Variants in NUDCD3 observed in about 807,000 individuals in gnomAD.
The protein encoded by NUDCD3 is NudC domain containing 3, also known as nudC domain-containing protein 3.
In NUDCD3, 13 loss-of-function variants were observed where a neutral mutation model predicts 39.7. The ratio of observed to expected loss-of-function variants is 0.33; its 90% CI spans 0.21 to 0.52. The LOEUF (loss-of-function observed/expected upper bound fraction) is 0.52. Among genes scored for constraint, NUDCD3 ranks in the 20% least tolerant of loss-of-function variants. The pLI is 0.96. For synonymous variants in NUDCD3, 175 were observed against 172.4 expected (o/e 1.02, Z -0.12); for missense variants, 453 against 458.1 (o/e 0.99, Z 0.10).
chr7:44,454,063 G>C lies in NUDCD3; in HGVS notation c.510-26360C>G, dbSNP rs1392149147. ...GTTTCAAAAAAAATAATAAAGGCCG[G>C]GCATGGTGGCTCACGCCTGTAATCC... On this transcript the variant is annotated intron_variant, in intron 2 of 5. Coordinates refer to ENST00000355451, the MANE Select transcript of NUDCD3 (RefSeq NM_015332.4). 2.0e-5 allele frequency among the ~76,000 whole-genome samples: 3 copies of C among 152,316 alleles called. No individual in the cohort carries two copies. The East Asian group carries it at 5.8e-4, about 29-fold the overall frequency.
In NUDCD3 at chr7:44,427,679, A is replaced by G. The variant is rs1799264512; in HGVS notation, c.534T>C (p.Asn178=). The G allele has an allele frequency of 1.9e-6, 3 of 1,613,876 alleles. No homozygotes were observed. Among genetic ancestry groups the G allele is most frequent in the African/African-American group, 1.3e-5 (1 of 74,980 alleles). The part of the protein sequence containing the change: ...LPRIQEQFQK[N]PDSYNGAVRE... Reference sequence around the variant, plus strand: ...GGACAGCACCATTGTAACTGTCGGGATTTTTCTGGAACTGCTCCTGAATCC... The same window carrying G: ...GGACAGCACCATTGTAACTGTCGGGGTTTTTCTGGAACTGCTCCTGAATCC... Residue 178 remains asparagine, a synonymous_variant, in exon 3 of 6, where the codon AAT becomes AAC. Coordinates refer to ENST00000355451, the MANE Select transcript of NUDCD3 (RefSeq NM_015332.4).
intron 2 of NUDCD3, among the ~76,000 whole-genome samples, chr7:44,459,165 T>G (rs1403110595): frequency 6.6e-6 from 1 of 152,056 alleles, no homozygotes; most frequent in African/African-American, 2.4e-5. Context: ...TATTTTTTTA[T>G]ATATATTCTA....
intron 3 of NUDCD3, among the ~76,000 whole-genome samples, chr7:44,424,764 T>C (rs1167193868): frequency 6.6e-6 from 1 of 152,134 alleles, no homozygotes; most frequent in Non-Finnish European, 1.5e-5. Context: ...GAAATACCAT[T>C]TGACCCAACA....
Position 44,380,290 on chromosome 7 carries a change from GGT to G in NUDCD3, c.*5719_*5720del, listed in dbSNP as rs1327035454. 1 of 152,502 alleles carries G rather than the reference GGT, an allele frequency of 6.6e-6. No homozygotes were observed. Among genetic ancestry groups the G allele is most frequent in the African/African-American group, 2.4e-5 (1 of 41,434 alleles). The allele number at this position is 152,502 out of a possible 1,614,324, so 9.4% of individuals were successfully genotyped here. On this transcript the variant is annotated 3_prime_UTR_variant, in exon 6 of 6. Coordinates refer to ENST00000355451, the MANE Select transcript of NUDCD3 (RefSeq NM_015332.4). ...TCCTCTCTAGACCCTCTGCCTGCCA[GGT>G]GTGTAAGCCTTTCTGCCTGGACAGC...
chr7:44,478,548 C>T (rs180882313), intron 2 of NUDCD3, among the ~76,000 whole-genome samples: 5 of 152,184 alleles, frequency 3.3e-5, no homozygotes, highest in South Asian at 4.2e-4. Flanking sequence ...AGCAAAACTC[C>T]GTCTAAAAAA....
In NUDCD3 at chr7:44,411,822, T is replaced by G. The variant is rs372351590; in HGVS notation, c.643-7239A>C. Among the ~76,000 whole-genome samples the G allele has an allele frequency of 4.6e-4, 70 of 152,290 alleles. 1 individual carries two copies. The South Asian group carries it at 0.014, about 30-fold the overall frequency. On this transcript the variant is annotated intron_variant, in intron 3 of 5. Transcript: ENST00000355451. ...ACCCTAGTGGTGAAGACAGAAAACA[T>G]ATGTCCAGAGAACTGGAAGCATATG...
chr7:44,453,723 G>A (rs1219568656), intron 2 of NUDCD3, among the ~76,000 whole-genome samples: 1 of 152,136 alleles, frequency 6.6e-6, no homozygotes. Flanking sequence ...CAAAATGCTG[G>A]GATTTTAAAA....
chr7:44,488,640 C>CTGAA (rs1800667940), intron 1 of NUDCD3, among the ~76,000 whole-genome samples: 2 of 152,356 alleles, frequency 1.3e-5, no homozygotes, highest in South Asian at 4.1e-4. Context: ...CTGTCTAAAA[C>CTGAA]TGAACTTTTT....
At chr7:44,475,381 C>T (rs1013257267) in intron 2 of NUDCD3, among the ~76,000 whole-genome samples, 1 of 152,060 alleles carries the variant, frequency 6.6e-6, no homozygotes, top group South Asian at 2.1e-4. Flanking sequence ...GCTAAGGATA[C>T]TCTGTTCAGC....
intron 2 of NUDCD3, among the ~76,000 whole-genome samples, chr7:44,446,124 A>G (rs572158644): frequency 6.6e-6 from 1 of 152,322 alleles, no homozygotes; most frequent in Admixed American, 6.5e-5. Context: ...TGGACTATTC[A>G]AGTCCTATAG....
At chr7:44,415,122 C>G (rs74902275) in intron 3 of NUDCD3, among the ~76,000 whole-genome samples, 223 of 152,300 alleles carry the variant, frequency 1.5e-3, no homozygotes, top group Non-Finnish European at 2.7e-3. Context: ...TGGTTCTGGT[C>G]TATGATCTAC....
Position 44,440,496 on chromosome 7 carries a change from G to GAAAAAAAAAA in NUDCD3, c.510-12803_510-12794dup, listed in dbSNP as rs72065068. On this transcript the variant is annotated intron_variant, in intron 2 of 5. Transcript: ENST00000355451. ...AACTAGTGAGAAAACCAGAAAAATT[G>GAAAAAAAAAA]AAAAAAAAAAAAAAAAAAAAGCCTG... Among the ~76,000 whole-genome samples the GAAAAAAAAAA allele has an allele frequency of 5.8e-3, 281 of 48,374 alleles. 10 individuals carry two copies. The highest frequency in any genetic ancestry group is 9.2e-3 in the Non-Finnish European group (228 of 24,686). The allele number at this position is 48,374 out of a possible 152,430, so 31.7% of individuals were successfully genotyped here. A position where few individuals can be genotyped will look rare whatever the true frequency, so the allele number is the denominator to read the frequency against.
intron 2 of NUDCD3, among the ~76,000 whole-genome samples, chr7:44,430,197 C>T (rs1799328716): frequency 6.6e-6 from 1 of 152,114 alleles, no homozygotes; most frequent in Non-Finnish European, 1.5e-5. Context: ...TTAAAAAATG[C>T]TAACAGGAGA....
chr7:44,387,133 T>C (rs955014926), intron 5 of NUDCD3, among the ~76,000 whole-genome samples: 2 of 152,194 alleles, frequency 1.3e-5, no homozygotes, highest in African/African-American at 4.8e-5. Flanking sequence ...AAATAAAACA[T>C]AATCTTCCTA....
At chr7:44,477,298 T>C (rs307015) in intron 2 of NUDCD3, among the ~76,000 whole-genome samples, 2 of 152,090 alleles carry the variant, frequency 1.3e-5, no homozygotes, top group Non-Finnish European at 2.9e-5. Flanking sequence ...CTGTTCCTCA[T>C]CCAAAGGACA....
chr7:44,472,514 A>G (rs1800275076), intron 2 of NUDCD3, among the ~76,000 whole-genome samples: 1 of 152,230 alleles, frequency 6.6e-6, no homozygotes, highest in African/African-American at 2.4e-5. Context: ...TTCTCAATGA[A>G]TATTTCAACA....
Position 44,437,635 on chromosome 7 carries a change from G to A in NUDCD3, c.510-9932C>T, listed in dbSNP as rs556086430. On this transcript the variant is annotated intron_variant, in intron 2 of 5. Transcript: ENST00000355451. ...CTGATACTGTTTGATTAGTCAGGAA[G>A]GCTCCTTTTAATAAAAAATTCTTTT... Among the ~76,000 whole-genome samples, 44 of 152,236 alleles carry A rather than the reference G, an allele frequency of 2.9e-4. No individual in the cohort carries two copies. In the South Asian group the frequency reaches 6.8e-3, roughly 24 times the overall value.
At chr7:44,473,201 G>A (rs1402210493) in intron 2 of NUDCD3, among the ~76,000 whole-genome samples, 1 of 152,198 alleles carries the variant, frequency 6.6e-6, no homozygotes, top group Non-Finnish European at 1.5e-5. Context: ...ACACAGAAGA[G>A]GCCACACTCA....
chr7:44,422,435 TAA>T (rs1799159637), intron 3 of NUDCD3, among the ~76,000 whole-genome samples: 1 of 151,370 alleles, frequency 6.6e-6, no homozygotes, highest in African/African-American at 2.4e-5. Flanking sequence ...ATATACACAA[TAA>T]AAAATGATAA....
Sources: gnomAD v4.1 joint callset for allele counts (sites outside exome capture counted in the v4.1 genomes callset) on GRCh38, gnomAD v4.1.1 for gene constraint, MANE v1.5 for transcripts, NCBI Gene and HGNC (gene_info 2026-07-23, HGNC 2026-07-21) for gene names.